Variants in SGCZ observed in about 807,000 individuals in gnomAD.
The protein encoded by SGCZ is zeta-sarcoglycan.
A neutral mutation model predicts 41.3 loss-of-function variants in SGCZ; 40 were observed. That is an observed-to-expected ratio of 0.97 (90% CI 0.75 to 1.26). SGCZ has a LOEUF of 1.26. Among genes scored for constraint, SGCZ ranks in the 50% most tolerant of loss-of-function variants. The pLI is 0.00. For missense variants in SGCZ, 552 were observed against 369.8 expected (o/e 1.49, Z -4.04); for synonymous variants, 206 against 137.5 (o/e 1.50, Z -3.49).
chr8:14,145,628 G>C (rs554577437), intron 5 of SGCZ, among the ~76,000 whole-genome samples: 2 of 152,296 alleles, frequency 1.3e-5, no homozygotes, highest in Non-Finnish European at 2.9e-5. Context: ...ACGGTCACAC[G>C]TAACAGAGAT....
At chr8:14,800,664 T>A (rs543038360) in intron 1 of SGCZ, among the ~76,000 whole-genome samples, 1 of 152,190 alleles carries the variant, frequency 6.6e-6, no homozygotes, top group South Asian at 2.1e-4. Context: ...TTCTGCCATG[T>A]AAGACGTGCT....
chr8:15,178,681 G>C (rs1800070776), intron 1 of SGCZ, among the ~76,000 whole-genome samples: 1 of 152,020 alleles, frequency 6.6e-6, no homozygotes, highest in South Asian at 2.1e-4. Flanking sequence ...TAACATATTG[G>C]AGCTATAATC....
intron 1 of SGCZ, among the ~76,000 whole-genome samples, chr8:14,674,773 C>T (rs1347417972): frequency 6.6e-6 from 1 of 150,936 alleles, no homozygotes; most frequent in Non-Finnish European, 1.5e-5. Flanking sequence ...AGTGTGTAGC[C>T]CCTCCCCTGC....
rs888940260 is a variant in SGCZ at position 14,113,481 on chromosome 8, T to C, written c.548-5246A>G. Among the ~76,000 whole-genome samples, 6 of 152,162 alleles carry C rather than the reference T, an allele frequency of 3.9e-5. No individual in the cohort carries two copies. In the East Asian group the frequency reaches 7.7e-4, roughly 20 times the overall value. On this transcript the variant is annotated intron_variant, in intron 5 of 7. Coordinates refer to ENST00000382080, the MANE Select transcript of SGCZ (RefSeq NM_139167.4). ...CATTGTATTCTTGCGCACCACATGA[T>C]GGATGGGAGGTAATTAATAAATATT... is the stretch of plus-strand genomic sequence containing the variant.
At chr8:14,946,011 T>C (rs1309231295) in intron 1 of SGCZ, among the ~76,000 whole-genome samples, 1 of 32,376 alleles carries the variant, frequency 3.1e-5, no homozygotes, top group Non-Finnish European at 6.1e-5. Context: ...TCCCCATATA[T>C]ATATATATAT....
chr8:14,827,856 A>G (rs1365167185), intron 1 of SGCZ, among the ~76,000 whole-genome samples: 1 of 152,198 alleles, frequency 6.6e-6, no homozygotes, highest in African/African-American at 2.4e-5. Flanking sequence ...ACACACACAC[A>G]CACACAGACA....
At chr8:14,257,389 C>G (rs1799503427) in intron 3 of SGCZ, among the ~76,000 whole-genome samples, 1 of 151,692 alleles carries the variant, frequency 6.6e-6, no homozygotes, top group African/African-American at 2.4e-5. Context: ...AAAACACAAA[C>G]AAAACCTAAA....
intron 1 of SGCZ, among the ~76,000 whole-genome samples, chr8:14,819,376 G>C (rs548191035): frequency 6.6e-6 from 1 of 152,034 alleles, no homozygotes; most frequent in African/African-American, 2.4e-5. Flanking sequence ...CAAATAGTTT[G>C]TTTTTTCCTT....
chr8:14,541,661 TG>T (rs1214386453), intron 2 of SGCZ, among the ~76,000 whole-genome samples: 5 of 152,140 alleles, frequency 3.3e-5, no homozygotes, highest in African/African-American at 1.2e-4. Context: ...ATGGAATTGC[TG>T]GGTCAAATGG....
chr8:14,168,845 C>G (rs1272456350), intron 4 of SGCZ, among the ~76,000 whole-genome samples: 1 of 152,028 alleles, frequency 6.6e-6, no homozygotes, highest in Non-Finnish European at 1.5e-5. Flanking sequence ...CTAGATTTTC[C>G]AAACAAAACT....
intron 1 of SGCZ, among the ~76,000 whole-genome samples, chr8:14,990,338 C>T (rs934276649): frequency 5.9e-5 from 9 of 152,134 alleles, no homozygotes; most frequent in African/African-American, 2.2e-4. Flanking sequence ...TCCCCAGGTA[C>T]CAGATCCCTG....
At chr8:14,814,227 G>C (rs563134404) in intron 1 of SGCZ, among the ~76,000 whole-genome samples, 1 of 152,164 alleles carries the variant, frequency 6.6e-6, no homozygotes, top group African/African-American at 2.4e-5. Context: ...AGCCATATTT[G>C]CGTTATTTTA....
intron 1 of SGCZ, among the ~76,000 whole-genome samples, chr8:14,947,938 C>T (rs142587510): frequency 4.8e-4 from 73 of 152,224 alleles, no homozygotes; most frequent in African/African-American, 1.7e-3. Flanking sequence ...TATCTTTGTT[C>T]TACCTCTCTC....
chr8:14,422,236 G>A (rs1391363065), intron 2 of SGCZ, among the ~76,000 whole-genome samples: 1 of 152,098 alleles, frequency 6.6e-6, no homozygotes, highest in Non-Finnish European at 1.5e-5. Context: ...ATTAAATAAA[G>A]CAAATTTTCT....
intron 1 of SGCZ, among the ~76,000 whole-genome samples, chr8:14,627,982 T>C (rs755558476): frequency 4.6e-5 from 7 of 152,106 alleles, no homozygotes; most frequent in Non-Finnish European, 8.8e-5. Context: ...TCTTTGATAT[T>C]AGACCCACAC....
At chr8:14,424,636 A>T (rs1474512947) in intron 2 of SGCZ, among the ~76,000 whole-genome samples, 1 of 150,704 alleles carries the variant, frequency 6.6e-6, no homozygotes, top group African/African-American at 2.5e-5. Flanking sequence ...TTTTTACGTC[A>T]GTGCATATTT....
At chr8:14,593,774 C>T (rs545811880) in intron 1 of SGCZ, among the ~76,000 whole-genome samples, 1 of 152,300 alleles carries the variant, frequency 6.6e-6, no homozygotes, top group East Asian at 1.9e-4. Context: ...CCCTAGACTG[C>T]TTCCCTAAGG....
At chr8:14,216,045 C>G (rs932872454) in intron 4 of SGCZ, among the ~76,000 whole-genome samples, 3 of 152,208 alleles carry the variant, frequency 2.0e-5, no homozygotes, top group Non-Finnish European at 4.4e-5. Flanking sequence ...ATTTATTCAG[C>G]ACAGATTTAA....
chr8:14,272,759 G>C (rs1450786112), intron 3 of SGCZ, among the ~76,000 whole-genome samples: 1 of 152,064 alleles, frequency 6.6e-6, no homozygotes, highest in Non-Finnish European at 1.5e-5. Flanking sequence ...TAATATTGGT[G>C]AACAGCTTGT....
Sources: allele counts gnomAD v4.1 joint callset (sites outside exome capture counted in the v4.1 genomes callset), GRCh38; gene constraint gnomAD v4.1.1; transcripts MANE v1.5; gene names NCBI Gene and HGNC (gene_info 2026-07-23, HGNC 2026-07-21).